Variants in HIVEP3 observed in about 807,000 individuals in gnomAD.
The protein encoded by HIVEP3 is HIVEP zinc finger 3, also known as transcription factor HIVEP3.
Under a neutral mutation model 152.8 loss-of-function variants are expected in HIVEP3, and 49 were observed. The ratio of observed to expected loss-of-function variants is 0.32; its 90% CI spans 0.26 to 0.41. The LOEUF (loss-of-function observed/expected upper bound fraction) is 0.41, where lower values mean the gene tolerates loss of function less well. Among genes scored for constraint, HIVEP3 ranks in the 10% least tolerant of loss-of-function variants. The pLI is 1.00. For synonymous variants in HIVEP3, 1,269 were observed against 1,289.0 expected, an observed-to-expected ratio of 0.98 and a Z score of 0.33; for missense variants, 2,790 against 3,103.3, an observed-to-expected ratio of 0.90 and a Z score of 2.40.
chr1:41,589,408 C>T (rs1055784921), intron 3 of HIVEP3, among the ~76,000 whole-genome samples: 5 of 152,202 alleles, frequency 3.3e-5, no homozygotes, highest in Admixed American at 6.5e-5. Flanking sequence ...GGAAGGAGAT[C>T]GGGACTTGCT....
At chr1:41,526,856 AAC>A (rs1488619815) in intron 5 of HIVEP3, among the ~76,000 whole-genome samples, 4 of 86,986 alleles carry the variant, frequency 4.6e-5, no homozygotes, top group Admixed American at 1.2e-4. Flanking sequence ...CACTCACCCT[AAC>A]ACGCTCACAC....
At chr1:41,514,660 C>A (rs1642551037) in intron 7 of HIVEP3, among the ~76,000 whole-genome samples, 1 of 152,188 alleles carries the variant, frequency 6.6e-6, no homozygotes, top group South Asian at 2.1e-4. Flanking sequence ...CAGCTCCACC[C>A]CATAGTTTTC....
chr1:41,816,291 C>T (rs1383779669), intron 1 of HIVEP3, among the ~76,000 whole-genome samples: 1 of 152,170 alleles, frequency 6.6e-6, no homozygotes, highest in Non-Finnish European at 1.5e-5. Context: ...TGGAAGGCAG[C>T]CATGGAGTAG....
chr1:41,680,098 T>C (rs1296027419), intron 2 of HIVEP3, among the ~76,000 whole-genome samples: 2 of 152,218 alleles, frequency 1.3e-5, no homozygotes, highest in Non-Finnish European at 2.9e-5. Flanking sequence ...TAAGAGACAC[T>C]GGCTCTCACA....
At chr1:41,667,671 G>T (rs758975311) in intron 2 of HIVEP3, among the ~76,000 whole-genome samples, 1 of 152,196 alleles carries the variant, frequency 6.6e-6, no homozygotes, top group Non-Finnish European at 1.5e-5. Flanking sequence ...GATGGATGTG[G>T]GTGCATGTCC....
intron 2 of HIVEP3, among the ~76,000 whole-genome samples, chr1:41,683,284 A>C (rs773745254): frequency 6.6e-6 from 1 of 152,224 alleles, no homozygotes; most frequent in Non-Finnish European, 1.5e-5. Context: ...CGTGTGCCTC[A>C]TGCAGAGCTC....
chr1:41,786,912 C>A (rs895122496), intron 1 of HIVEP3, among the ~76,000 whole-genome samples: 9 of 152,006 alleles, frequency 5.9e-5, no homozygotes, highest in African/African-American at 2.2e-4. Flanking sequence ...CCACCACGTC[C>A]AGCTAATTTT....
At chr1:41,673,885 T>C (rs989072835) in intron 2 of HIVEP3, among the ~76,000 whole-genome samples, 1 of 152,166 alleles carries the variant, frequency 6.6e-6, no homozygotes, top group African/African-American at 2.4e-5. Flanking sequence ...AGCATCACGT[T>C]AGGTGCCAGG....
At position 41,724,117 on chromosome 1, in the gene HIVEP3, C is replaced by T. The variant is rs115644795; in HGVS notation, c.-800-23122G>A. On this transcript the variant is annotated intron_variant, in intron 1 of 8. Coordinates refer to ENST00000372583, the MANE Select transcript of HIVEP3 (RefSeq NM_024503.5). ...TGAATCTTTTTCTCCAGGTTTGCAG[C>T]GGTAGCTTGAAGTAGTGTCTTGGGG... Among the ~76,000 whole-genome samples, 654 of 152,308 alleles carry T rather than the reference C, an allele frequency of 4.3e-3. 3 individuals are homozygous for T. Among genetic ancestry groups the T allele is most frequent in the African/African-American group, 0.012 (499 of 41,564 alleles).
intron 1 of HIVEP3, among the ~76,000 whole-genome samples, chr1:41,851,941 A>T (rs1643615503): frequency 6.6e-6 from 1 of 152,254 alleles, no homozygotes. Flanking sequence ...TCAAAAAGTC[A>T]TGTAAATCTC....
At chr1:41,949,084 AC>A (rs1645090954) in intron 1 of HIVEP3, among the ~76,000 whole-genome samples, 1 of 152,186 alleles carries the variant, frequency 6.6e-6, no homozygotes, top group Middle Eastern at 3.2e-3. Flanking sequence ...AACTCCTCCC[AC>A]ACAAATAGTC....
At chr1:41,530,980 C>T (rs768550750) in intron 5 of HIVEP3, among the ~76,000 whole-genome samples, 16 of 151,994 alleles carry the variant, frequency 1.1e-4, no homozygotes, top group Non-Finnish European at 1.8e-4. Context: ...CTGGGGAACA[C>T]GAGGGAGGAG....
chr1:41,580,873 C>A lies in HIVEP3; in HGVS notation c.3925G>T (p.Ala1309Ser). The change falls in exon 4 of 9, where the codon GCC becomes TCC. Residue 1309 changes from alanine to serine, a missense_variant. By Grantham distance (99) the Ala-to-Ser change is moderately conservative. Around this residue, in one of 9 missense-constraint regions of HIVEP3, gnomAD observed 1,078 missense variants for 1,165.3 expected, o/e 0.93. Transcript: ENST00000372583. ...AGGGACACCATGGTGTCTGGACAGGCAGGCAGGGCCAGTGGAGGAGCTGAT... is the reference window on the plus strand; with the variant it reads ...AGGGACACCATGGTGTCTGGACAGGAAGGCAGGGCCAGTGGAGGAGCTGAT... ...PTSAPPLALP[A>S]CPDTMVSLVV... 1 of 1,606,668 alleles carries A rather than the reference C, an allele frequency of 6.2e-7. No homozygotes were observed. Among genetic ancestry groups the A allele is most frequent in the Non-Finnish European group, 8.5e-7 (1 of 1,176,854 alleles).
At chr1:41,526,478 T>TCACG (rs1569731474) in intron 5 of HIVEP3, among the ~76,000 whole-genome samples, 2 of 69,432 alleles carry the variant, frequency 2.9e-5, no homozygotes, top group African/African-American at 1.2e-4. Flanking sequence ...ACACTCACCT[T>TCACG]CACACTCACC....
intron 1 of HIVEP3, among the ~76,000 whole-genome samples, chr1:41,807,030 C>CTCT (rs1240452753): frequency 1.3e-5 from 2 of 152,190 alleles, no homozygotes; most frequent in Non-Finnish European, 2.9e-5. Flanking sequence ...CCCCGCCCAG[C>CTCT]CCACCTACGG....
chr1:41,818,638 A>G (rs1368467850), intron 1 of HIVEP3, among the ~76,000 whole-genome samples: 2 of 152,204 alleles, frequency 1.3e-5, no homozygotes, highest in Non-Finnish European at 2.9e-5. Flanking sequence ...TTGTGGGGAC[A>G]TTGGACATAC....
chr1:41,954,516 C>A (rs1233624112), intron 1 of HIVEP3, among the ~76,000 whole-genome samples: 1 of 152,272 alleles, frequency 6.6e-6, no homozygotes, highest in Non-Finnish European at 1.5e-5. Flanking sequence ...TTCACCCCAC[C>A]CTGCGGGGTC....
intron 1 of HIVEP3, among the ~76,000 whole-genome samples, chr1:41,896,962 G>C (rs1644538296): frequency 6.6e-6 from 1 of 152,190 alleles, no homozygotes; most frequent in African/African-American, 2.4e-5. Flanking sequence ...TGCTGTGACA[G>C]AGGATCCTGA....
chr1:41,581,899 G>A lies in HIVEP3; in HGVS notation c.2899C>T (p.Arg967Cys), dbSNP rs141506685. 25 of 1,613,770 alleles carry A rather than the reference G, an allele frequency of 1.5e-5. No homozygotes were observed. Among genetic ancestry groups the A allele is most frequent in the Admixed American group, 1.3e-4 (8 of 60,000 alleles). The part of the protein sequence containing the change: ...AEAPSPSSDM[R>C]PKPLGTHMLT... ...ATGTGGGTGCCCAGGGGTTTGGGGC[G>A]CATGTCAGATGAGGGACTGGGGGCC... The change falls in exon 4 of 9, where the codon CGC becomes TGC. Residue 967 changes from arginine (R) to cysteine (C), a missense_variant. Transcript: ENST00000372583. The surrounding 1 kb of genome is among the most constrained non-coding windows in gnomAD (Gnocchi z 4.5).
Sources: gnomAD v4.1 joint callset for allele counts (sites outside exome capture counted in the v4.1 genomes callset) on GRCh38, gnomAD v4.1.1 for gene constraint, gnomAD v4.1.1 regional missense constraint, Gnocchi (gnomAD v3.1) non-coding constraint, MANE v1.5 for transcripts, NCBI Gene and HGNC (gene_info 2026-07-23, HGNC 2026-07-21) for gene names.